RTTN: variants seen among roughly 807,000 people sequenced by gnomAD.
The protein encoded by RTTN is rotatin.
RTTN carries 182 observed loss-of-function variants against 269.2 expected under a neutral mutation model. The ratio of observed to expected loss-of-function variants is 0.68; its 90% CI spans 0.60 to 0.76. The LOEUF is 0.76. Among genes scored for constraint, RTTN ranks in the 30% least tolerant of loss-of-function variants. The pLI, the probability that RTTN is intolerant of heterozygous loss-of-function variation, is 0.00. For synonymous variants in RTTN, 1,006 were observed against 963.5 expected (o/e 1.04, Z -0.82); for missense variants, 2,545 against 2,608.6 (o/e 0.98, Z 0.53).
intron 6 of RTTN, among the ~76,000 whole-genome samples, chr18:70,197,245 T>G (rs2061832590): frequency 6.6e-6 from 1 of 152,320 alleles, no homozygotes; most frequent in East Asian, 1.9e-4. Flanking sequence ...TCTGCGTTAC[T>G]CACCGCTACT....
At chr18:70,116,812 C>T (rs983732945) in intron 26 of RTTN, among the ~76,000 whole-genome samples, 1 of 151,852 alleles carries the variant, frequency 6.6e-6, no homozygotes, top group Non-Finnish European at 1.5e-5. Flanking sequence ...ACATTGAGCC[C>T]GTTACGGGAA....
rs114834688 is a variant in RTTN, at chr18:70,090,858, C to A, written c.4143+1252G>T. ...AGCCATCTAGACAGATGCTGTCACTCTGGTGGGCCTGTAAGGCACACCATC... is the reference window on the plus strand; with the variant it reads ...AGCCATCTAGACAGATGCTGTCACTATGGTGGGCCTGTAAGGCACACCATC... On this transcript the variant is annotated intron_variant, in intron 30 of 48. Transcript: ENST00000640769. Among the ~76,000 whole-genome samples, 764 of 152,344 alleles carry A rather than the reference C, an allele frequency of 5.0e-3. 6 individuals carry two copies. Among genetic ancestry groups the A allele is most frequent in the African/African-American group, 0.017 (724 of 41,584 alleles).
chr18:70,018,580 A>G (rs1320041028), intron 45 of RTTN, among the ~76,000 whole-genome samples: 1 of 152,138 alleles, frequency 6.6e-6, no homozygotes, highest in Non-Finnish European at 1.5e-5. Flanking sequence ...AAATAAACTT[A>G]ACGTTTTTAT....
chr18:70,114,778 C>A (rs2033896524), intron 26 of RTTN, among the ~76,000 whole-genome samples, 179 bp from the exon 27 acceptor site: 1 of 151,146 alleles, frequency 6.6e-6, no homozygotes, highest in South Asian at 2.1e-4. Context: ...ATATTCTCAA[C>A]AAAAGAAAAA....
intron 46 of RTTN, among the ~76,000 whole-genome samples, chr18:70,013,259 G>C (rs962739777): frequency 6.6e-6 from 1 of 151,546 alleles, no homozygotes; most frequent in Admixed American, 6.6e-5. Flanking sequence ...GTAGCATCAA[G>C]TGATGTTTTT....
At chr18:70,190,460 G>A in intron 9 of RTTN, 78 bp downstream of exon 9, 1 of 1,117,600 alleles carries the variant, frequency 8.9e-7, no homozygotes, top group South Asian at 1.6e-5. Flanking sequence ...TAACATAGAA[G>A]AGAAAAAAAG....
intron 39 of RTTN, among the ~76,000 whole-genome samples, chr18:70,049,189 AAAGC>A (rs1261773875): frequency 4.6e-5 from 7 of 152,224 alleles, no homozygotes; most frequent in Non-Finnish European, 1.0e-4. Flanking sequence ...TTGTAGCATG[AAAGC>A]AGCCATATGC....
At chr18:70,103,394 C>G (rs1284054021) in intron 28 of RTTN, among the ~76,000 whole-genome samples, 2 of 152,124 alleles carry the variant, frequency 1.3e-5, no homozygotes, top group Non-Finnish European at 2.9e-5. Flanking sequence ...ATAGCAGACT[C>G]CATTTTGTTC....
intron 37 of RTTN, among the ~76,000 whole-genome samples, chr18:70,057,424 C>T (rs1274439100): frequency 3.9e-5 from 6 of 152,110 alleles, no homozygotes; most frequent in East Asian, 1.9e-4. Context: ...ATCACAGAAG[C>T]AGGAAGTGAA....
chr18:70,178,848 C>T (rs2061359574), intron 10 of RTTN, among the ~76,000 whole-genome samples: 1 of 151,790 alleles, frequency 6.6e-6, no homozygotes, highest in Non-Finnish European at 1.5e-5. Flanking sequence ...ACATGTTTAA[C>T]AATAAAGACT....
At chr18:70,198,902 G>A (rs543584870) in intron 5 of RTTN, among the ~76,000 whole-genome samples, 2 of 152,120 alleles carry the variant, frequency 1.3e-5, no homozygotes, top group African/African-American at 2.4e-5. Context: ...AAAAAGAAAC[G>A]TGGGCCAAAT....
chr18:70,146,318 G>A (rs1007814408), intron 17 of RTTN, among the ~76,000 whole-genome samples: 2 of 152,122 alleles, frequency 1.3e-5, no homozygotes, highest in African/African-American at 4.8e-5. Flanking sequence ...TAGGAATAAG[G>A]TCAGCTGAGT....
At position 70,128,348 on chromosome 18, in the gene RTTN, A is replaced by G. The variant is rs201709074; in HGVS notation, c.3143+10T>C. On this transcript the variant is annotated intron_variant, in intron 24 of 48. Transcript: ENST00000640769. ...TTGCAAATGCTTTTTAAACTAATATAAGAGCTTACTCTTGCGTTTTAGTTT... is the reference window on the plus strand; with the variant it reads ...TTGCAAATGCTTTTTAAACTAATATGAGAGCTTACTCTTGCGTTTTAGTTT... The G allele has an allele frequency of 1.6e-4, 253 of 1,602,352 alleles. 3 individuals are homozygous for G. The East Asian group carries it at 4.8e-3, about 31-fold the overall frequency.
intron 46 of RTTN, among the ~76,000 whole-genome samples, chr18:70,010,334 G>A (rs1162981857): frequency 1.3e-5 from 2 of 152,092 alleles, no homozygotes; most frequent in Non-Finnish European, 2.9e-5. Context: ...CACATACTTG[G>A]AAGTAAAACA....
At chr18:70,098,534 A>C (rs1430291891) in intron 28 of RTTN, among the ~76,000 whole-genome samples, 3 of 152,196 alleles carry the variant, frequency 2.0e-5, no homozygotes, top group African/African-American at 7.2e-5. Flanking sequence ...TAACTCTTTA[A>C]TATACCTGTT....
intron 47 of RTTN, 107 bp downstream of exon 47, chr18:70,006,274 T>C: frequency 1.4e-6 from 1 of 722,738 alleles, no homozygotes; most frequent in Non-Finnish European, 2.4e-6. Flanking sequence ...TTTGTCTTTT[T>C]TCTTTTGCTG....
chr18:70,092,074 C>A (rs773768982), intron 30 of RTTN, 36 bp downstream of exon 30: 1 of 1,410,164 alleles, frequency 7.1e-7, no homozygotes, highest in Admixed American at 1.7e-5. Flanking sequence ...GTTTTTTAAT[C>A]TAAACACAAT....
At chr18:70,154,320 C>T (rs1048471289) in intron 14 of RTTN, among the ~76,000 whole-genome samples, 3 of 152,020 alleles carry the variant, frequency 2.0e-5, no homozygotes, top group Admixed American at 6.6e-5. Flanking sequence ...TGAAATTCAT[C>T]ATATACCAAA....
chr18:70,130,924 C>A (rs2059982267), intron 23 of RTTN: 1 of 151,276 alleles, frequency 6.6e-6, no homozygotes, highest in South Asian at 2.1e-4. Flanking sequence ...CTATTATATA[C>A]CCATAAAAAT....
Sources: allele counts gnomAD v4.1 joint callset (sites outside exome capture counted in the v4.1 genomes callset), GRCh38; gene constraint gnomAD v4.1.1; transcripts MANE v1.5; gene names NCBI Gene and HGNC (gene_info 2026-07-23, HGNC 2026-07-21).